GALNT12: variants seen among roughly 807,000 people sequenced by gnomAD.
The protein encoded by GALNT12 is polypeptide N-acetylgalactosaminyltransferase 12, also known as UDP-GalNAc:polypeptide N-acetylgalactosaminyltransferase 12.
Under a neutral mutation model 55.5 loss-of-function variants are expected in GALNT12, and 45 were observed. The ratio of observed to expected loss-of-function variants is 0.81; its 90% CI spans 0.64 to 1.04. GALNT12 has a LOEUF of 1.04. Among genes scored for constraint, GALNT12 ranks in the 50% least tolerant of loss-of-function variants. The pLI is 0.00. For missense variants in GALNT12, 709 were observed against 754.8 expected, an observed-to-expected ratio of 0.94 and a Z score of 0.71; for synonymous variants, 304 against 312.2, an observed-to-expected ratio of 0.97 and a Z score of 0.28.
chr9:98,845,464 CAGGT>C (rs1457333496), intron 8 of GALNT12, among the ~76,000 whole-genome samples: 1 of 152,150 alleles, frequency 6.6e-6, no homozygotes, highest in East Asian at 1.9e-4. Flanking sequence ...CTAGTACACT[CAGGT>C]AGGAAAACCA....
intron 6 of GALNT12, 76 bp from the exon 7 acceptor site, chr9:98,839,926 G>C: frequency 6.3e-7 from 1 of 1,581,682 alleles, no homozygotes; most frequent in Non-Finnish European, 8.7e-7. Flanking sequence ...GTTAGTAAGT[G>C]AGCATCAGTG....
chr9:98,818,565 C>A (rs1835667352), intron 1 of GALNT12, among the ~76,000 whole-genome samples: 1 of 151,946 alleles, frequency 6.6e-6, no homozygotes, highest in Non-Finnish European at 1.5e-5. Context: ...CCTTCCTAAT[C>A]TAGTATCTAA....
chr9:98,849,547 G>T lies in GALNT12; in HGVS notation c.*455G>T. ...ATTAACTGATAATACCTCAGCTGCG[G>T]GGTTAAAGTTTTCCCAGTATAGAGA... On this transcript the variant is annotated 3_prime_UTR_variant, in exon 10 of 10. Coordinates refer to ENST00000375011, the MANE Select transcript of GALNT12 (RefSeq NM_024642.5). 1 of 462,860 alleles carries T rather than the reference G, an allele frequency of 2.2e-6. No individual in the cohort carries two copies. The highest frequency in any genetic ancestry group is 3.8e-6 in the Non-Finnish European group (1 of 265,510). The allele number at this position is 462,860 out of a possible 1,614,324, so 28.7% of individuals were successfully genotyped here.
At chr9:98,831,465 C>G (rs1835990023) in intron 3 of GALNT12, among the ~76,000 whole-genome samples, 1 of 152,196 alleles carries the variant, frequency 6.6e-6, no homozygotes, top group Admixed American at 6.5e-5. Flanking sequence ...GATTAAACCT[C>G]TTGCACTTCT....
intron 8 of GALNT12, among the ~76,000 whole-genome samples, chr9:98,845,274 G>A (rs1049923041): frequency 1.1e-4 from 16 of 152,200 alleles, no homozygotes; most frequent in Non-Finnish European, 1.8e-4. Context: ...TGCTCTGTGC[G>A]CCTTAAGAAC....
intron 1 of GALNT12, among the ~76,000 whole-genome samples, chr9:98,817,322 T>C (rs1208025377): frequency 1.3e-5 from 2 of 152,216 alleles, no homozygotes; most frequent in African/African-American, 4.8e-5. Flanking sequence ...CAATCTAGCT[T>C]TTCTATGCAT....
rs1199314497 is a variant in GALNT12 at position 98,826,857 on chromosome 9, C to T, written c.647C>T (p.Ala216Val). The T allele has an allele frequency of 1.6e-5, 25 of 1,605,630 alleles. No individual in the cohort carries two copies. Among genetic ancestry groups the T allele is most frequent in the Non-Finnish European group, 2.1e-5 (25 of 1,176,570 alleles). The change falls in exon 3 of 10, where the codon GCG becomes GTG. Residue 216 changes from alanine (A) to valine (V), a missense_variant. Coordinates refer to ENST00000375011, the MANE Select transcript of GALNT12 (RefSeq NM_024642.5). ...EGLVRARLLG[A>V]SAARGDVLTF... ...CTGGTGCGAGCCCGGCTGCTGGGGG[C>T]GTCTGCGGCGAGGGGCGATGTTCTG... is the stretch of plus-strand genomic sequence containing the variant.
chr9:98,824,658 T>C (rs1378427800), intron 2 of GALNT12, among the ~76,000 whole-genome samples: 2 of 152,110 alleles, frequency 1.3e-5, no homozygotes, highest in African/African-American at 2.4e-5. Context: ...CTAGAAGGCA[T>C]TGGGTTCTGG....
chr9:98,837,060 A>C lies in GALNT12; in HGVS notation c.1124A>C (p.Lys375Thr). The C allele has an allele frequency of 6.2e-7, 1 of 1,614,164 alleles. No individual in the cohort carries two copies. The highest frequency in any genetic ancestry group is 8.5e-7 in the Non-Finnish European group (1 of 1,180,040). ...FPKQAPYSRNKALANSVRAAE... is the reference protein window; with the variant it reads ...FPKQAPYSRNTALANSVRAAE... ...AAGCAAGCTCCCTACTCCCGCAACA[A>C]GGCTCTGGCCAACAGTGTTCGTGCA... Residue 375 changes from lysine to threonine, a missense_variant, in exon 6 of 10, where the codon AAG becomes ACG. Lys to Thr is a moderately conservative substitution (Grantham distance 78, BLOSUM62 -1). Transcript: ENST00000375011.
In GALNT12 at chr9:98,823,113, G is replaced by T. The variant is rs1588444528; in HGVS notation, c.372-143G>T. 6 of 775,220 alleles carry T rather than the reference G, an allele frequency of 7.7e-6. No individual in the cohort carries two copies. The East Asian group carries it at 1.5e-4, about 20-fold the overall frequency. 48.0% of individuals were successfully genotyped at this position (775,220 alleles called of 1,614,324 possible). On this transcript the variant is annotated intron_variant, in intron 1 of 9. Coordinates refer to ENST00000375011, the MANE Select transcript of GALNT12 (RefSeq NM_024642.5). The stretch of plus-strand genomic sequence containing the variant: ...CTTGGAGTCTGCTGGGGCTCCTAGT[G>T]CCACAAGGGGAGCTCTGGAAGATCC...
At position 98,836,925 on chromosome 9, in the gene GALNT12, G is replaced by A. The variant is rs767705310; in HGVS notation, c.1036-47G>A. 5 of 1,599,892 alleles carry A rather than the reference G, an allele frequency of 3.1e-6. No individual in the cohort carries two copies. In the African/African-American group the frequency reaches 6.7e-5, roughly 21 times the overall value. ...TTGCTGCAGATACTATGGACCCGCA[G>A]CTCATCCCCTGCTCACCACCTGGCC... On this transcript the variant is annotated intron_variant, in intron 5 of 9. Transcript: ENST00000375011.
chr9:98,837,966 T>C (rs1019717759), intron 6 of GALNT12, among the ~76,000 whole-genome samples: 7 of 152,140 alleles, frequency 4.6e-5, no homozygotes, highest in African/African-American at 1.7e-4. Flanking sequence ...TGTACCAACA[T>C]AGATAGTTGG....
intron 4 of GALNT12, among the ~76,000 whole-genome samples, chr9:98,834,893 C>A (rs993670177): frequency 2.0e-5 from 3 of 152,190 alleles, no homozygotes; most frequent in Non-Finnish European, 4.4e-5. Context: ...TTCCCTTCTT[C>A]TTCTTGGCTA....
At chr9:98,822,517 C>T (rs1393232374) in intron 1 of GALNT12, among the ~76,000 whole-genome samples, 1 of 152,236 alleles carries the variant, frequency 6.6e-6, no homozygotes, top group Non-Finnish European at 1.5e-5. Flanking sequence ...CACCCCACCA[C>T]ATGACTACCA....
rs927498431 is a variant in GALNT12 at position 98,826,930 on chromosome 9, G to T, written c.720G>T (p.Pro240=). The T allele has an allele frequency of 6.4e-7, 1 of 1,562,562 alleles. No individual in the cohort carries two copies. The highest frequency in any genetic ancestry group is 8.7e-7 in the Non-Finnish European group (1 of 1,153,272). Residue 240 remains proline, a synonymous_variant, in exon 3 of 10, where the codon CCG becomes CCT. Transcript: ENST00000375011. ...HCECHEGWLE[P]LLQRIHEEES... ...AGTGCCACGAAGGGTGGCTGGAGCC[G>T]CTGCTGCAGAGGTACGTGAGCCGCC...
intron 9 of GALNT12, 48 bp downstream of exon 9, chr9:98,846,171 A>C (rs753044857): frequency 1.4e-5 from 22 of 1,607,900 alleles, no homozygotes; most frequent in Non-Finnish European, 1.9e-5. Context: ...CTGGGCTATA[A>C]GGGAGAGTGT....
intron 3 of GALNT12, among the ~76,000 whole-genome samples, chr9:98,830,987 C>T (rs1336484989): frequency 9.9e-5 from 15 of 152,248 alleles, no homozygotes; most frequent in South Asian, 6.2e-4. Context: ...AGTGTTCACA[C>T]GTGGTCTAGT....
intron 2 of GALNT12, among the ~76,000 whole-genome samples, chr9:98,825,906 T>A (rs903231665): frequency 5.9e-5 from 9 of 152,054 alleles, no homozygotes; most frequent in Non-Finnish European, 4.4e-5. Context: ...GCCCAAGAAG[T>A]TGAGGCTGCA....
At chr9:98,832,004 T>C in intron 4 of GALNT12, 47 bp downstream of exon 4, 2 of 1,528,540 alleles carry the variant, frequency 1.3e-6, no homozygotes, top group Non-Finnish European at 1.8e-6. Context: ...CATGCCTCAT[T>C]GAATCTGGCT....
Sources: gnomAD v4.1 joint callset for allele counts (sites outside exome capture counted in the v4.1 genomes callset) on GRCh38, gnomAD v4.1.1 for gene constraint, MANE v1.5 for transcripts, NCBI Gene and HGNC (gene_info 2026-07-23, HGNC 2026-07-21) for gene names.